ABLIM2: variants seen among roughly 807,000 people sequenced by gnomAD.
ABLIM2 encodes the protein actin binding LIM protein family member 2.
A neutral mutation model predicts 97.7 loss-of-function variants in ABLIM2; 53 were observed. That is an observed-to-expected ratio of 0.54 (90% CI 0.44 to 0.68). ABLIM2 has a LOEUF of 0.68. Ranked by LOEUF, ABLIM2 falls within the 30% of genes least tolerant of loss-of-function variation. The pLI, the probability that ABLIM2 is intolerant of heterozygous loss-of-function variation, is 0.00. For synonymous variants in ABLIM2, 361 were observed against 345.8 expected, an observed-to-expected ratio of 1.04 and a Z score of -0.49; for missense variants, 835 against 867.2, an observed-to-expected ratio of 0.96 and a Z score of 0.47.
chr4:7,984,995 G>A lies in ABLIM2; in HGVS notation c.1681-102C>T, dbSNP rs375902238. 5.2e-5 allele frequency: 65 copies of A among 1,253,500 alleles called. No individual in the cohort carries two copies. In the African/African-American group the frequency reaches 5.9e-4, roughly 11 times the overall value. The allele number at this position is 1,253,500 out of a possible 1,614,324, so 77.6% of individuals were successfully genotyped here. On this transcript the variant is annotated intron_variant, in intron 17 of 20. Coordinates refer to ENST00000447017, the MANE Select transcript of ABLIM2 (RefSeq NM_001130083.2). ...TGGCCCCTTGGAGGCCGAGGTCCTC[G>A]TGCTGCCTGGGGAGTAGGGTGTCCT...
chr4:8,122,602 C>T lies in ABLIM2; in HGVS notation c.11-15965G>A, dbSNP rs564804836. Among the ~76,000 whole-genome samples the T allele has an allele frequency of 3.0e-4, 45 of 152,296 alleles. No homozygotes were observed. In the South Asian group the frequency reaches 5.8e-3, roughly 20 times the overall value. On this transcript the variant is annotated intron_variant, in intron 1 of 20. Transcript: ENST00000447017. The surrounding 1 kb of genome is among the most constrained non-coding windows in gnomAD (Gnocchi z 4.1). ...AAACCCCATCACCTCCCCAAGGCCCCTCCTCCAAATAGCGTCACCCTGGGG... is the reference window on the plus strand; with the variant it reads ...AAACCCCATCACCTCCCCAAGGCCCTTCCTCCAAATAGCGTCACCCTGGGG...
rs148639855 is a variant in ABLIM2, at chr4:8,028,799, C to T, written c.1168+857G>A. On this transcript the variant is annotated intron_variant, in intron 11 of 20. Coordinates refer to ENST00000447017, the MANE Select transcript of ABLIM2 (RefSeq NM_001130083.2). Reference sequence around the variant, plus strand: ...CTCACTCCTTTACCCACTTTCTCAACATTTATTGAGCAGAATGTACCAGGC... The same window carrying T: ...CTCACTCCTTTACCCACTTTCTCAATATTTATTGAGCAGAATGTACCAGGC... Among the ~76,000 whole-genome samples the T allele has an allele frequency of 6.6e-5, 10 of 152,360 alleles. No individual in the cohort carries two copies. In the East Asian group the frequency reaches 1.9e-3, roughly 29 times the overall value.
At chr4:8,014,185 G>A (rs1405551958) in intron 14 of ABLIM2, among the ~76,000 whole-genome samples, 2 of 152,232 alleles carry the variant, frequency 1.3e-5, no homozygotes, top group Non-Finnish European at 2.9e-5. Flanking sequence ...AGCCAGGACC[G>A]GCACCCCGGC....
Position 8,120,097 on chromosome 4 carries a change from C to T in ABLIM2, c.11-13460G>A, listed in dbSNP as rs1017583974. Among the ~76,000 whole-genome samples, 5 of 152,154 alleles carry T rather than the reference C, an allele frequency of 3.3e-5. No individual in the cohort carries two copies. Among genetic ancestry groups the T allele is most frequent in the African/African-American group, 4.8e-5 (2 of 41,428 alleles). ...CGTCGGGCGGCAGGGTCCCTGGCGGCCCCCAGAGCCTGAGAGGAGCCTCTC... is the reference window on the plus strand; with the variant it reads ...CGTCGGGCGGCAGGGTCCCTGGCGGTCCCCAGAGCCTGAGAGGAGCCTCTC... On this transcript the variant is annotated intron_variant, in intron 1 of 20. Coordinates refer to ENST00000447017, the MANE Select transcript of ABLIM2 (RefSeq NM_001130083.2). This position sits in a 1 kb window ranked among gnomAD's most constrained non-coding sequence, Gnocchi z 5.6.
At chr4:7,983,236 TC>T (rs1395792618) in intron 20 of ABLIM2, 27 bp downstream of exon 20, 1 of 1,592,412 alleles carries the variant, frequency 6.3e-7, no homozygotes, top group South Asian at 1.1e-5. Context: ...GGGAAATGAG[TC>T]CCCTGCCCCG....
chr4:8,014,251 G>T (rs568828780), intron 14 of ABLIM2, among the ~76,000 whole-genome samples: 1 of 152,358 alleles, frequency 6.6e-6, no homozygotes, highest in African/African-American at 2.4e-5. Flanking sequence ...GGTGCCCGGG[G>T]TTTCATCCCT....
chr4:7,966,872 C>CCCCCCCCCCTG lies in ABLIM2; in HGVS notation c.*117_*118insCAGGGGGGGGG. ...GCACCTGCTGGGGGACCCCCTCCCG[C>CCCCCCCCCCTG]CCACCCCATGGACACAGAGAAGCCA... is the stretch of plus-strand genomic sequence containing the variant. On this transcript the variant is annotated 3_prime_UTR_variant, in exon 21 of 21. Transcript: ENST00000447017. The CCCCCCCCCCTG allele has an allele frequency of 4.5e-6, 1 of 224,084 alleles. No individual in the cohort carries two copies. Among genetic ancestry groups the CCCCCCCCCCTG allele is most frequent in the South Asian group, 6.6e-5 (1 of 15,256 alleles). 13.9% of individuals were successfully genotyped at this position (224,084 alleles called of 1,614,324 possible).
intron 9 of ABLIM2, 147 bp from the exon 10 acceptor site, chr4:8,036,442 C>A (rs1358775652): frequency 3.0e-6 from 3 of 992,094 alleles, no homozygotes; most frequent in East Asian, 2.7e-5. Flanking sequence ...CAGATGCATC[C>A]CACAGGACAG....
At chr4:8,081,405 G>A (rs1037581169) in intron 4 of ABLIM2, among the ~76,000 whole-genome samples, 1 of 152,194 alleles carries the variant, frequency 6.6e-6, no homozygotes, top group African/African-American at 2.4e-5. Flanking sequence ...CCCAGGGCCT[G>A]GTCTTTGTGC....
Position 8,132,448 on chromosome 4 carries a change from A to G in ABLIM2, c.11-25811T>C, listed in dbSNP as rs376962518. The stretch of plus-strand genomic sequence containing the variant: ...GATTGTAAAACTTAGGTTTAGAGGG[A>G]TCTGAGACCATCCAGTCCCTGGAGA... On this transcript the variant is annotated intron_variant, in intron 1 of 20. Coordinates refer to ENST00000447017, the MANE Select transcript of ABLIM2 (RefSeq NM_001130083.2). This position sits in a 1 kb window ranked among gnomAD's most constrained non-coding sequence, Gnocchi z 8.0. Among the ~76,000 whole-genome samples the G allele has an allele frequency of 8.5e-5, 13 of 152,242 alleles. No homozygotes were observed. The East Asian group carries it at 1.5e-3, about 18-fold the overall frequency.
At chr4:8,115,839 G>A (rs1318556220) in intron 1 of ABLIM2, among the ~76,000 whole-genome samples, 5 of 152,294 alleles carry the variant, frequency 3.3e-5, no homozygotes, top group Admixed American at 3.3e-4. Flanking sequence ...TCCAAGCTGG[G>A]TCATCAAGTA....
At position 7,998,878 on chromosome 4, in the gene ABLIM2, G is replaced by C. The variant is rs367959889; in HGVS notation, c.1619-5951C>G. On this transcript the variant is annotated intron_variant, in intron 16 of 20. Transcript: ENST00000447017. The surrounding 1 kb of genome is among the most constrained non-coding windows in gnomAD (Gnocchi z 6.4). ...GTTGTCCTGTGACCAACCGTCTGCC[G>C]TATCATTTGCAGGTCCGTTTAGCTG... Among the ~76,000 whole-genome samples the C allele has an allele frequency of 7.9e-5, 12 of 152,164 alleles. No homozygotes were observed. The highest frequency in any genetic ancestry group is 2.9e-4 in the African/African-American group (12 of 41,428).
rs1579220098 is a variant in ABLIM2, at chr4:8,032,803, C to T, written c.1048-3027G>A. ...CCACACAGAGCCCTGATCCTCCAGA[C>T]AGGAAAAGAACTCTACCCCGAGAGA... On this transcript the variant is annotated intron_variant, in intron 10 of 20. Coordinates refer to ENST00000447017, the MANE Select transcript of ABLIM2 (RefSeq NM_001130083.2). This position sits in a 1 kb window ranked among gnomAD's most constrained non-coding sequence, Gnocchi z 4.3. The T allele has an allele frequency of 4.0e-6, 4 of 995,778 alleles. No homozygotes were observed. The South Asian group carries it at 5.4e-5, about 13-fold the overall frequency. The allele number at this position is 995,778 out of a possible 1,614,324, so 61.7% of individuals were successfully genotyped here.
At chr4:8,007,034 T>C in intron 16 of ABLIM2, 1 of 985,452 alleles carries the variant, frequency 1.0e-6, no homozygotes, top group Non-Finnish European at 1.2e-6. Flanking sequence ...CTTTCTTTGT[T>C]TAAAGTGATT....
At chr4:8,048,571 G>A (rs897034162) in intron 8 of ABLIM2, among the ~76,000 whole-genome samples, 4 of 152,154 alleles carry the variant, frequency 2.6e-5, no homozygotes, top group Admixed American at 6.5e-5. Flanking sequence ...GCCAAGCCTC[G>A]CTCTACCGCC....
intron 1 of ABLIM2, among the ~76,000 whole-genome samples, chr4:8,111,184 C>T (rs556673464): frequency 1.3e-5 from 2 of 152,354 alleles, no homozygotes; most frequent in East Asian, 1.9e-4. Flanking sequence ...CATGCCATCA[C>T]ACCATGAGAA....
Position 7,970,336 on chromosome 4 carries a change from C to G in ABLIM2, c.1825-3233G>C, listed in dbSNP as rs1726797841. On this transcript the variant is annotated intron_variant, in intron 20 of 20. Transcript: ENST00000447017. The surrounding 1 kb of genome is among the most constrained non-coding windows in gnomAD (Gnocchi z 5.3). The stretch of plus-strand genomic sequence containing the variant: ...AGGCTAAGGGAGGGGCGCAAAGGTG[C>G]TGGTGGGCAGAGGGAAGGTGTCAAG... 6.6e-6 allele frequency among the ~76,000 whole-genome samples: 1 copy of G among 152,076 alleles called. No homozygotes were observed. Among genetic ancestry groups the G allele is most frequent in the Non-Finnish European group, 1.5e-5 (1 of 68,002 alleles).
At position 7,983,285 on chromosome 4, in the gene ABLIM2, G is replaced by T. The variant is rs765667522; in HGVS notation, c.1803C>A (p.Asp601Glu). ...TTACCTCCAGTCTCGTCCGGTCCAC[G>T]TCTTTGGGCAGTTTCACGCGAATTC... ...TNRIRVKLPKDVDRTRLERHL... is the reference protein window; with the variant it reads ...TNRIRVKLPKEVDRTRLERHL... Residue 601 changes from aspartate (D) to glutamate (E), a missense_variant, in exon 20 of 21, where the codon GAC becomes GAA. Coordinates refer to ENST00000447017, the MANE Select transcript of ABLIM2 (RefSeq NM_001130083.2). 6.2e-7 allele frequency: 1 copy of T among 1,611,910 alleles called. No individual in the cohort carries two copies. Among genetic ancestry groups the T allele is most frequent in the Non-Finnish European group, 8.5e-7 (1 of 1,179,374 alleles).
Position 8,072,034 on chromosome 4 carries a change from G to A in ABLIM2, c.675+5594C>T. 1.0e-6 allele frequency: 1 copy of A among 985,436 alleles called. No individual in the cohort carries two copies. The highest frequency in any genetic ancestry group is 4.7e-5 in the South Asian group (1 of 21,290). The allele number at this position is 985,436 out of a possible 1,614,324, so 61.0% of individuals were successfully genotyped here. On this transcript the variant is annotated intron_variant, in intron 6 of 20. Transcript: ENST00000447017. The surrounding 1 kb of genome is among the most constrained non-coding windows in gnomAD (Gnocchi z 5.8). ...CCGCAGTTCCCACCTTGCACCCGGG[G>A]AGGATGCTCAGAGCTGTGCAGAGCC...
Sources: allele counts gnomAD v4.1 joint callset (sites outside exome capture counted in the v4.1 genomes callset), GRCh38; gene constraint gnomAD v4.1.1; non-coding constraint Gnocchi (gnomAD v3.1); transcripts MANE v1.5; gene names NCBI Gene and HGNC (gene_info 2026-07-23, HGNC 2026-07-21).